CEP170: variants seen among roughly 807,000 people sequenced by gnomAD.
CEP170 encodes centrosomal protein 170.
In CEP170, 21 loss-of-function variants were observed where a neutral mutation model predicts 151.9. That is an observed-to-expected ratio of 0.14 (90% CI 0.10 to 0.20). CEP170 has a LOEUF of 0.20. Ranked by LOEUF, CEP170 falls within the 10% of genes least tolerant of loss-of-function variation. The pLI, the probability that CEP170 is intolerant of heterozygous loss-of-function variation, is 1.00. For missense variants in CEP170, 964 were observed against 1,892.9 expected, an observed-to-expected ratio of 0.51 and a Z score of 9.11; for synonymous variants, 356 against 648.8, an observed-to-expected ratio of 0.55 and a Z score of 6.86.
intron 4 of CEP170, among the ~76,000 whole-genome samples, chr1:243,201,576 A>G (rs1445213970): frequency 6.6e-6 from 1 of 152,186 alleles, no homozygotes; most frequent in Non-Finnish European, 1.5e-5. Context: ...CATGTACTAA[A>G]TTCTATTCCT....
rs557110166 is a variant in CEP170 at position 243,251,608 on chromosome 1, G to A, written c.-42+3432C>T. ...CAAAATTTGGTAGGTATTATTCAAC[G>A]ATTCAATAAATATTGTGTTTCAAAG... On this transcript the variant is annotated intron_variant, in intron 1 of 19. Transcript: ENST00000366542. 4.6e-5 allele frequency among the ~76,000 whole-genome samples: 7 copies of A among 152,140 alleles called. No homozygotes were observed. The South Asian group carries it at 8.3e-4, about 18-fold the overall frequency.
intron 8 of CEP170, among the ~76,000 whole-genome samples, chr1:243,189,225 G>T (rs963654154): frequency 1.3e-5 from 2 of 152,154 alleles, no homozygotes; most frequent in African/African-American, 4.8e-5. Flanking sequence ...AAATGGGCTT[G>T]TGAGGACAGA....
intron 4 of CEP170, 101 bp downstream of exon 4, chr1:243,211,785 G>A: frequency 7.6e-7 from 1 of 1,319,080 alleles, no homozygotes; most frequent in Non-Finnish European, 1.1e-6. Flanking sequence ...TAGAAATTCT[G>A]GCATATCTAT....
At chr1:243,199,837 A>G (rs1483288205) in intron 6 of CEP170, among the ~76,000 whole-genome samples, 1 of 152,038 alleles carries the variant, frequency 6.6e-6, no homozygotes, top group African/African-American at 2.4e-5. Flanking sequence ...AAATTATTAT[A>G]TGGTGATACA....
intron 14 of CEP170, among the ~76,000 whole-genome samples, chr1:243,144,486 A>G (rs2056234061): frequency 6.6e-6 from 1 of 152,236 alleles, no homozygotes; most frequent in Admixed American, 6.5e-5. Context: ...CTTATATAAT[A>G]TAGCAAATCC....
chr1:243,142,704 A>C (rs2055992240), intron 14 of CEP170, among the ~76,000 whole-genome samples: 1 of 152,220 alleles, frequency 6.6e-6, no homozygotes, highest in Non-Finnish European at 1.5e-5. Flanking sequence ...AAAGCCCTTG[A>C]GTAGAGCTAT....
intron 7 of CEP170, among the ~76,000 whole-genome samples, chr1:243,194,215 GC>G (rs1350265595): frequency 1.3e-5 from 2 of 151,760 alleles, no homozygotes; most frequent in Admixed American, 1.3e-4. Context: ...CAGACAAATG[GC>G]CCCAAAAACA....
At chr1:243,148,298 C>T (rs533700403) in intron 14 of CEP170, among the ~76,000 whole-genome samples, 21 of 152,110 alleles carry the variant, frequency 1.4e-4, no homozygotes, top group African/African-American at 1.2e-4. Flanking sequence ...CAGCTGGGCG[C>T]GGTGGCTCAT....
intron 1 of CEP170, among the ~76,000 whole-genome samples, chr1:243,246,354 C>T (rs2065399492): frequency 6.6e-6 from 1 of 151,376 alleles, no homozygotes; most frequent in Non-Finnish European, 1.5e-5. Flanking sequence ...GCCTCAGCCT[C>T]CCGAGTAGCT....
chr1:243,165,183 T>A lies in CEP170; in HGVS notation c.2777A>T (p.Asp926Val). 1 of 1,613,728 alleles carries A rather than the reference T, an allele frequency of 6.2e-7. No individual in the cohort carries two copies. Among genetic ancestry groups the A allele is most frequent in the Non-Finnish European group, 8.5e-7 (1 of 1,179,710 alleles). ...EGPDTPSYNR[D>V]NSISPESDVD... ...ATCAGATTCTGGTGAAATAGAATTG[T>A]CTCTATTATAACTGGGAGTATCTGG... The change falls in exon 13 of 20, where the codon GAC becomes GTC. Residue 926 changes from aspartate (D) to valine (V), a missense_variant. Physicochemically the swap from Asp to Val is radical, Grantham distance 152. Transcript: ENST00000366542.
chr1:243,129,430 C>T lies in CEP170; in HGVS notation c.4343G>A (p.Arg1448Gln), dbSNP rs2054107465. 6.4e-6 allele frequency: 10 copies of T among 1,559,728 alleles called. No homozygotes were observed. The highest frequency in any genetic ancestry group is 2.7e-5 in the African/African-American group (2 of 73,208). ...TTTGCTTTCTATGTCATCCCAATTC[C>T]GATCTTTGTCTTTAAATAATATTCT... ...KIRILFKDKD[R>Q]NWDDIESKLR... is the part of the protein sequence containing the mutation. The change falls in exon 18 of 20, where the codon CGG becomes CAG. Residue 1448 changes from arginine to glutamine, a missense_variant. Coordinates refer to ENST00000366542, the MANE Select transcript of CEP170 (RefSeq NM_014812.3).
At chr1:243,181,632 C>CGG (rs2059623178) in intron 10 of CEP170, among the ~76,000 whole-genome samples, 2 of 151,838 alleles carry the variant, frequency 1.3e-5, no homozygotes, top group South Asian at 4.2e-4. Context: ...TGCAAATACA[C>CGG]GGTTTGCTCA....
intron 1 of CEP170, among the ~76,000 whole-genome samples, chr1:243,248,607 A>G (rs2065640513): frequency 6.6e-6 from 1 of 152,224 alleles, no homozygotes; most frequent in Non-Finnish European, 1.5e-5. Flanking sequence ...CTCTAAAGCC[A>G]GAAACTAGTA....
chr1:243,172,893 C>G (rs2058960584), intron 10 of CEP170, 47 bp from the exon 11 acceptor site: 2 of 1,493,584 alleles, frequency 1.3e-6, no homozygotes, highest in Non-Finnish European at 1.8e-6. Flanking sequence ...AGTCTGAACA[C>G]AAGATTAATA....
chr1:243,158,213 T>A (rs1458051714), intron 13 of CEP170, among the ~76,000 whole-genome samples: 1 of 152,192 alleles, frequency 6.6e-6, no homozygotes, highest in Non-Finnish European at 1.5e-5. Flanking sequence ...TCAGAAATAG[T>A]GTAAACAAAT....
In CEP170 at chr1:243,149,787, A is replaced by G. The variant is rs563721023; in HGVS notation, c.3911+6434T>C. Reference sequence around the variant, plus strand: ...ACAGAAAAGCATTATATTACCTTACAGACAATAAGAAAACCCACACCATTG... The same window carrying G: ...ACAGAAAAGCATTATATTACCTTACGGACAATAAGAAAACCCACACCATTG... On this transcript the variant is annotated intron_variant, in intron 14 of 19. Transcript: ENST00000366542. Among the ~76,000 whole-genome samples, 3 of 152,356 alleles carry G rather than the reference A, an allele frequency of 2.0e-5. No homozygotes were observed. In the South Asian group the frequency reaches 6.2e-4, roughly 32 times the overall value.
At chr1:243,240,036 T>C (rs936318234) in intron 1 of CEP170, among the ~76,000 whole-genome samples, 5 of 152,180 alleles carry the variant, frequency 3.3e-5, no homozygotes, top group Non-Finnish European at 5.9e-5. Context: ...GTAATATGAA[T>C]ACAATCTGGC....
intron 10 of CEP170, among the ~76,000 whole-genome samples, chr1:243,175,647 A>T (rs1387568473): frequency 6.6e-6 from 1 of 152,190 alleles, no homozygotes; most frequent in Non-Finnish European, 1.5e-5. Flanking sequence ...CCTCAAAACC[A>T]AGACCAAGTA....
rs1292389204 is a variant in CEP170 at position 243,126,699 on chromosome 1, G to A, written c.4505C>T (p.Ala1502Val). The change falls in exon 20 of 20, where the codon GCT becomes GTT. Residue 1502 changes from alanine to valine, a missense_variant. By Grantham distance (64) the Ala-to-Val change is moderately conservative. Coordinates refer to ENST00000366542, the MANE Select transcript of CEP170 (RefSeq NM_014812.3). ...ACTGGGAAATCCCATGTTGTTCAGA[G>A]CCTCCAAAGTTCCATCAGGATCAAT... is the stretch of plus-strand genomic sequence containing the variant. The part of the protein sequence containing the change: ...AMIDPDGTLE[A>V]LNNMGFPSAM... 6.5e-6 allele frequency: 10 copies of A among 1,541,144 alleles called. No homozygotes were observed. Among genetic ancestry groups the A allele is most frequent in the Non-Finnish European group, 8.8e-6 (10 of 1,141,922 alleles).
Sources: allele counts gnomAD v4.1 joint callset (sites outside exome capture counted in the v4.1 genomes callset), GRCh38; gene constraint gnomAD v4.1.1; transcripts MANE v1.5; gene names NCBI Gene and HGNC (gene_info 2026-07-23, HGNC 2026-07-21).